Variants in TBC1D12 observed in about 807,000 individuals in gnomAD.
TBC1D12 encodes the protein TBC1 domain family, member 12.
TBC1D12 carries 56 observed loss-of-function variants against 86.7 expected under a neutral mutation model. The ratio of observed to expected loss-of-function variants is 0.65; its 90% CI spans 0.52 to 0.81. The LOEUF (loss-of-function observed/expected upper bound fraction) is 0.81. TBC1D12 is among the 30% of genes least tolerant of loss of function. TBC1D12 has a pLI of 0.00. For missense variants in TBC1D12, 1,023 were observed against 1,038.8 expected, an observed-to-expected ratio of 0.98 and a Z score of 0.21; for synonymous variants, 421 against 411.7, an observed-to-expected ratio of 1.02 and a Z score of -0.27.
chr10:94,483,664 T>C (rs946430643), intron 3 of TBC1D12, among the ~76,000 whole-genome samples: 4 of 152,218 alleles, frequency 2.6e-5, no homozygotes, highest in Non-Finnish European at 5.9e-5. Flanking sequence ...CTAGTTATTA[T>C]ATTAATCCCT....
At chr10:94,449,430 T>C (rs1346374110) in intron 2 of TBC1D12, among the ~76,000 whole-genome samples, 1 of 152,174 alleles carries the variant, frequency 6.6e-6, no homozygotes, top group Non-Finnish European at 1.5e-5. Context: ...TCCTAATTCA[T>C]AGATCTGGAA....
intron 1 of TBC1D12, among the ~76,000 whole-genome samples, chr10:94,441,047 A>G (rs945402048): frequency 4.0e-5 from 6 of 151,772 alleles, no homozygotes; most frequent in African/African-American, 1.2e-4. Context: ...ACAGGGTTTC[A>G]CCATGTTGGT....
At chr10:94,446,262 G>A (rs1191679781) in intron 2 of TBC1D12, among the ~76,000 whole-genome samples, 1 of 152,136 alleles carries the variant, frequency 6.6e-6, no homozygotes, top group Admixed American at 6.5e-5. Context: ...ATGTTATTAC[G>A]TTTGGAATCA....
rs567902239 is a variant in TBC1D12, at chr10:94,436,328, G to T, written c.972-5568G>T. ...TTTTTGTATTTTTAGTAGAGATGGG[G>T]TTTCACCATGTTGGCCATGATGGTC... On this transcript the variant is annotated intron_variant, in intron 1 of 12. Transcript: ENST00000225235. Among the ~76,000 whole-genome samples the T allele has an allele frequency of 3.3e-5, 5 of 151,608 alleles. No homozygotes were observed. In the South Asian group the frequency reaches 8.4e-4, roughly 25 times the overall value.
intron 1 of TBC1D12, among the ~76,000 whole-genome samples, chr10:94,440,953 G>A (rs770522051): frequency 1.4e-4 from 21 of 152,288 alleles, no homozygotes; most frequent in Non-Finnish European, 2.1e-4. Context: ...GGGTTCAAGC[G>A]ATTCTCCTGC....
At chr10:94,462,956 G>T (rs776295082) in intron 2 of TBC1D12, among the ~76,000 whole-genome samples, 21 of 151,882 alleles carry the variant, frequency 1.4e-4, no homozygotes, top group Non-Finnish European at 2.9e-4. Context: ...GATGTATTTT[G>T]CTTTTTTTCT....
chr10:94,506,523 T>C (rs2056462438), intron 6 of TBC1D12, among the ~76,000 whole-genome samples: 2 of 152,218 alleles, frequency 1.3e-5, no homozygotes, highest in Admixed American at 6.5e-5. Flanking sequence ...GTTTCAAATA[T>C]CTGCAATAGT....
At chr10:94,482,159 C>T (rs187945732) in intron 3 of TBC1D12, among the ~76,000 whole-genome samples, 2 of 152,128 alleles carry the variant, frequency 1.3e-5, no homozygotes, top group African/African-American at 2.4e-5. Context: ...CCTCCTCCCA[C>T]CCTCCACCCT....
chr10:94,466,590 C>G (rs964954208), intron 2 of TBC1D12, among the ~76,000 whole-genome samples: 3 of 152,002 alleles, frequency 2.0e-5, no homozygotes, highest in African/African-American at 7.2e-5. Flanking sequence ...TTTTAATAAG[C>G]TTTTTATTTT....
rs1221600085 is a variant in TBC1D12 at position 94,403,318 on chromosome 10, G to C, written c.705G>C (p.Gln235His). ...SSCSSSEDSE[Q>H]RGVGAGGPEE... ...GCAGCAGTAGCGAGGACTCAGAGCA[G>C]CGGGGAGTCGGCGCCGGGGGTCCCG... Residue 235 changes from glutamine to histidine, a missense_variant, in exon 1 of 13, where the codon CAG becomes CAC. Physicochemically the swap from Gln to His is conservative, Grantham distance 24. Coordinates refer to ENST00000225235, the MANE Select transcript of TBC1D12 (RefSeq NM_015188.2). 1.3e-6 allele frequency: 2 copies of C among 1,521,162 alleles called. No homozygotes were observed. Among genetic ancestry groups the C allele is most frequent in the East Asian group, 2.6e-5 (1 of 37,994 alleles). The allele number at this position is 1,521,162 out of a possible 1,614,324, so 94.2% of individuals were successfully genotyped here.
intron 1 of TBC1D12, among the ~76,000 whole-genome samples, chr10:94,424,972 C>T (rs2055127911): frequency 1.3e-5 from 2 of 152,078 alleles, no homozygotes; most frequent in South Asian, 4.1e-4. Flanking sequence ...AGGAGGTCCA[C>T]CTTGAGGAAA....
intron 11 of TBC1D12, among the ~76,000 whole-genome samples, chr10:94,530,280 G>A (rs1023112557): frequency 6.6e-5 from 10 of 152,138 alleles, no homozygotes; most frequent in Non-Finnish European, 8.8e-5. Flanking sequence ...AAAGAATTAC[G>A]TGGTCAGACA....
intron 2 of TBC1D12, among the ~76,000 whole-genome samples, chr10:94,448,364 A>C (rs1444431927): frequency 2.6e-5 from 4 of 152,192 alleles, no homozygotes; most frequent in African/African-American, 9.7e-5. Flanking sequence ...ATTGGTTTTA[A>C]TTATGCTTAA....
Position 94,402,827 on chromosome 10 carries a change from C to T in TBC1D12, c.214C>T (p.Arg72Cys). 2 of 1,540,318 alleles carry T rather than the reference C, an allele frequency of 1.3e-6. No individual in the cohort carries two copies. The highest frequency in any genetic ancestry group is 2.5e-5 in the East Asian group (1 of 40,436). Reference sequence around the variant, plus strand: ...GACGCCGCCTCGGCAGCTCCTTCAGCGTTACCTCGCGGCGGCCGGGGAGCA... The same window carrying T: ...GACGCCGCCTCGGCAGCTCCTTCAGTGTTACCTCGCGGCGGCCGGGGAGCA... ...EETPPRQLLQ[R>C]YLAAAGEQLE... The change falls in exon 1 of 13, where the codon CGT becomes TGT. Residue 72 changes from arginine to cysteine, a missense_variant. By Grantham distance (180) the Arg-to-Cys change is radical. Around this residue, in one of 2 missense-constraint regions of TBC1D12, gnomAD observed 628 missense variants for 531.1 expected, o/e 1.18. Transcript: ENST00000225235.
chr10:94,414,514 T>G (rs772264491), intron 1 of TBC1D12, among the ~76,000 whole-genome samples: 1 of 152,214 alleles, frequency 6.6e-6, no homozygotes, highest in Non-Finnish European at 1.5e-5. Context: ...TAGCCACTTG[T>G]GTCTTTAAAG....
At chr10:94,417,332 G>A (rs929412891) in intron 1 of TBC1D12, among the ~76,000 whole-genome samples, 8 of 152,284 alleles carry the variant, frequency 5.3e-5, no homozygotes, top group Middle Eastern at 3.4e-3. Context: ...TGCAAGAAGG[G>A]GTGGTTAATA....
chr10:94,456,594 T>A (rs1156486529), intron 2 of TBC1D12, among the ~76,000 whole-genome samples: 5 of 152,222 alleles, frequency 3.3e-5, no homozygotes, highest in African/African-American at 1.2e-4. Flanking sequence ...TAGAATGTAG[T>A]CTGTATTGGT....
At chr10:94,442,848 T>G (rs913595132) in intron 2 of TBC1D12, among the ~76,000 whole-genome samples, 4 of 152,234 alleles carry the variant, frequency 2.6e-5, no homozygotes, top group African/African-American at 4.8e-5. Flanking sequence ...CTTTAAAGAT[T>G]TAATAGTGTT....
chr10:94,458,460 G>A (rs2055662306), intron 2 of TBC1D12, among the ~76,000 whole-genome samples: 1 of 152,136 alleles, frequency 6.6e-6, no homozygotes, highest in African/African-American at 2.4e-5. Flanking sequence ...AATAGACTAA[G>A]AAAACTTTTT....
Sources: gnomAD v4.1 joint callset for allele counts (sites outside exome capture counted in the v4.1 genomes callset) on GRCh38, gnomAD v4.1.1 for gene constraint, gnomAD v4.1.1 regional missense constraint, MANE v1.5 for transcripts, NCBI Gene and HGNC (gene_info 2026-07-23, HGNC 2026-07-21) for gene names.